The following GNAL variants were observed in gnomAD, a reference collection of about 807,000 sequenced individuals.
GNAL encodes the protein guanine nucleotide-binding protein G(olf) subunit alpha.
In GNAL, 18 loss-of-function variants were observed where a neutral mutation model predicts 55.1. The ratio of observed to expected loss-of-function variants is 0.33; its 90% CI spans 0.23 to 0.48. GNAL has a LOEUF of 0.48. Among genes scored for constraint, GNAL ranks in the 20% least tolerant of loss-of-function variants. The pLI is 0.99. For synonymous variants in GNAL, 253 were observed against 237.0 expected (o/e 1.07, Z -0.62); for missense variants, 412 against 614.1 (o/e 0.67, Z 3.48).
intron 5 of GNAL, among the ~76,000 whole-genome samples, chr18:11,832,431 T>C (rs1324410867): frequency 3.3e-5 from 5 of 152,252 alleles, no homozygotes; most frequent in African/African-American, 1.2e-4. Flanking sequence ...CTTGACCCCA[T>C]TGGCCCTCTT....
At chr18:11,691,093 C>T (rs1261151594) in intron 1 of GNAL, among the ~76,000 whole-genome samples, 1 of 150,462 alleles carries the variant, frequency 6.6e-6, no homozygotes, top group East Asian at 1.9e-4. Context: ...AAAAGTGTTC[C>T]TATTTCTCCA....
intron 5 of GNAL, among the ~76,000 whole-genome samples, chr18:11,827,459 C>T (rs2035275545): frequency 6.6e-6 from 1 of 151,198 alleles, no homozygotes; most frequent in African/African-American, 2.4e-5. Context: ...ACTAAAAATA[C>T]AAAAATTAGC....
chr18:11,818,710 AC>A (rs2035020174), intron 4 of GNAL, among the ~76,000 whole-genome samples: 1 of 152,220 alleles, frequency 6.6e-6, no homozygotes, highest in Non-Finnish European at 1.5e-5. Context: ...GCCGGGACGC[AC>A]CCTGAAACTT....
chr18:11,792,978 A>G (rs1457730346), intron 4 of GNAL, among the ~76,000 whole-genome samples: 1 of 152,228 alleles, frequency 6.6e-6, no homozygotes, highest in Non-Finnish European at 1.5e-5. Flanking sequence ...GATTGAACTA[A>G]TTCTAAGAGA....
chr18:11,821,974 T>G (rs1036319403), intron 4 of GNAL, among the ~76,000 whole-genome samples: 2 of 152,252 alleles, frequency 1.3e-5, no homozygotes, highest in Non-Finnish European at 1.5e-5. Context: ...TCCGTAGGCC[T>G]CCGTTTCACG....
chr18:11,742,825 G>A (rs73397857), intron 1 of GNAL, among the ~76,000 whole-genome samples: 9,393 of 152,226 alleles, frequency 0.062, 422 homozygotes, highest in African/African-American at 0.12. Flanking sequence ...TCCCTCCCAC[G>A]CCACCTAGCC....
intron 1 of GNAL, among the ~76,000 whole-genome samples, chr18:11,734,092 G>A (rs1311796308): frequency 6.6e-6 from 1 of 151,664 alleles, no homozygotes; most frequent in African/African-American, 2.4e-5. Flanking sequence ...AGGCTCGGTG[G>A]TTTCTCGATG....
At chr18:11,771,193 G>A (rs1183664460) in intron 4 of GNAL, among the ~76,000 whole-genome samples, 2 of 150,400 alleles carry the variant, frequency 1.3e-5, no homozygotes, top group Non-Finnish European at 2.9e-5. Flanking sequence ...TCTCCAGCCT[G>A]GGCAACAAGA....
At chr18:11,848,451 T>C (rs926920115) in intron 5 of GNAL, among the ~76,000 whole-genome samples, 6 of 151,696 alleles carry the variant, frequency 4.0e-5, no homozygotes, top group Admixed American at 3.9e-4. Context: ...TTTTTCTTTT[T>C]TTTTCTTTTC....
intron 1 of GNAL, among the ~76,000 whole-genome samples, chr18:11,720,215 G>A (rs903285519): frequency 2.0e-5 from 3 of 152,126 alleles, no homozygotes; most frequent in Non-Finnish European, 4.4e-5. Context: ...AGACTAAATG[G>A]TAAAATCAAG....
At chr18:11,877,208 CT>C (rs1331908687) in intron 11 of GNAL, among the ~76,000 whole-genome samples, 2 of 152,216 alleles carry the variant, frequency 1.3e-5, no homozygotes, top group Admixed American at 1.3e-4. Context: ...CATCCCAGCA[CT>C]TTGGGAGGCT....
chr18:11,762,658 G>A (rs2033282505), intron 4 of GNAL, among the ~76,000 whole-genome samples: 1 of 152,234 alleles, frequency 6.6e-6, no homozygotes, highest in Non-Finnish European at 1.5e-5. Context: ...CGGCGGGTTA[G>A]GGAGAGTCCT....
chr18:11,761,726 T>C lies in GNAL; in HGVS notation c.624+7781T>C, dbSNP rs1179353642. Among the ~76,000 whole-genome samples, 5 of 152,186 alleles carry C rather than the reference T, an allele frequency of 3.3e-5. No homozygotes were observed. In the East Asian group the frequency reaches 7.7e-4, roughly 24 times the overall value. ...AAGCTGCAGCCTCATTCTTTTGTGCTCACCGCAGTGCACCTTTGCTTCGTG... is the reference window on the plus strand; with the variant it reads ...AAGCTGCAGCCTCATTCTTTTGTGCCCACCGCAGTGCACCTTTGCTTCGTG... On this transcript the variant is annotated intron_variant, in intron 4 of 11. Coordinates refer to ENST00000334049, the MANE Select transcript of GNAL (RefSeq NM_182978.4).
intron 5 of GNAL, chr18:11,851,294 C>T (rs1031073588): frequency 7.4e-6 from 4 of 541,144 alleles, no homozygotes; most frequent in South Asian, 5.8e-5. Flanking sequence ...TGCGCAGCCC[C>T]TGGCGTCTTA....
At chr18:11,796,738 C>CT (rs1418721374) in intron 4 of GNAL, among the ~76,000 whole-genome samples, 1 of 152,002 alleles carries the variant, frequency 6.6e-6, no homozygotes, top group African/African-American at 2.4e-5. Context: ...TTCAAACCTG[C>CT]TTTTTAAACT....
chr18:11,706,004 C>A (rs1157331132), intron 1 of GNAL, among the ~76,000 whole-genome samples: 1 of 152,150 alleles, frequency 6.6e-6, no homozygotes, highest in African/African-American at 2.4e-5. Flanking sequence ...ATCTGCCCAC[C>A]TCGGCCTTTC....
At chr18:11,791,097 C>T (rs1424298339) in intron 4 of GNAL, among the ~76,000 whole-genome samples, 3 of 152,170 alleles carry the variant, frequency 2.0e-5, no homozygotes, top group Non-Finnish European at 2.9e-5. Context: ...TCAAATTAAA[C>T]TGTCACTTTA....
chr18:11,820,143 G>A (rs966115445), intron 4 of GNAL, among the ~76,000 whole-genome samples: 1 of 152,094 alleles, frequency 6.6e-6, no homozygotes, highest in Non-Finnish European at 1.5e-5. Context: ...CTGTCTCTGC[G>A]ATAAAGGTCA....
chr18:11,743,661 T>C (rs1255564248), intron 1 of GNAL, among the ~76,000 whole-genome samples: 1 of 152,240 alleles, frequency 6.6e-6, no homozygotes, highest in Non-Finnish European at 1.5e-5. Flanking sequence ...AACTTCACTT[T>C]GGTATTAAAA....
Sources: gnomAD v4.1 joint callset for allele counts (sites outside exome capture counted in the v4.1 genomes callset) on GRCh38, gnomAD v4.1.1 for gene constraint, MANE v1.5 for transcripts, NCBI Gene and HGNC (gene_info 2026-07-23, HGNC 2026-07-21) for gene names.